ADAMTS2: variants seen among roughly 807,000 people sequenced by gnomAD.
ADAMTS2 encodes ADAM metallopeptidase with thrombospondin type 1 motif 2, also known as A disintegrin and metalloproteinase with thrombospondin motifs 2.
In ADAMTS2, 50 loss-of-function variants were observed where a neutral mutation model predicts 123.0. The ratio of observed to expected loss-of-function variants is 0.41; its 90% CI spans 0.32 to 0.51. The LOEUF (loss-of-function observed/expected upper bound fraction) is 0.51, where lower values mean the gene tolerates loss of function less well. Among genes scored for constraint, ADAMTS2 ranks in the 20% least tolerant of loss-of-function variants. ADAMTS2 has a pLI of 0.35. For synonymous variants in ADAMTS2, 678 were observed against 695.4 expected, an observed-to-expected ratio of 0.98 and a Z score of 0.39; for missense variants, 1,494 against 1,705.2, an observed-to-expected ratio of 0.88 and a Z score of 2.18.
intron 4 of ADAMTS2, among the ~76,000 whole-genome samples, chr5:179,201,346 A>C (rs928688706): frequency 1.3e-5 from 2 of 152,212 alleles, no homozygotes; most frequent in Non-Finnish European, 2.9e-5. Context: ...TGCTATGTGA[A>C]TATGTCATAT....
intron 3 of ADAMTS2, among the ~76,000 whole-genome samples, chr5:179,223,838 T>G (rs1281584560): frequency 6.6e-6 from 1 of 152,112 alleles, no homozygotes; most frequent in Non-Finnish European, 1.5e-5. Context: ...GGCACACACA[T>G]GCACACACAC....
At chr5:179,324,634 T>C (rs747280567) in intron 2 of ADAMTS2, among the ~76,000 whole-genome samples, 5 of 152,178 alleles carry the variant, frequency 3.3e-5, no homozygotes, top group Non-Finnish European at 5.9e-5. Context: ...CAGGCCATCC[T>C]CCTGCCTTGG....
chr5:179,281,643 T>C (rs1454833746), intron 2 of ADAMTS2, among the ~76,000 whole-genome samples: 4 of 152,256 alleles, frequency 2.6e-5, no homozygotes, highest in Admixed American at 2.6e-4. Flanking sequence ...AATGCTGCTA[T>C]GAACATCTGT....
chr5:179,302,414 G>A (rs1029296617), intron 2 of ADAMTS2, among the ~76,000 whole-genome samples: 6 of 150,424 alleles, frequency 4.0e-5, no homozygotes, highest in African/African-American at 1.5e-4. Flanking sequence ...AAAAGCGGGG[G>A]AGTGATAAGG....
intron 3 of ADAMTS2, among the ~76,000 whole-genome samples, chr5:179,226,224 T>C (rs1376266900): frequency 6.7e-6 from 1 of 149,090 alleles, no homozygotes; most frequent in Non-Finnish European, 1.5e-5. Flanking sequence ...CCCTTCCTTC[T>C]TTCCTTCCTT....
chr5:179,242,832 C>T lies in ADAMTS2; in HGVS notation c.688+30079G>A, dbSNP rs2113453760. Among the ~76,000 whole-genome samples, 1 of 152,296 alleles carries T rather than the reference C, an allele frequency of 6.6e-6. No individual in the cohort carries two copies. The highest frequency in any genetic ancestry group is 2.1e-4 in the South Asian group (1 of 4,826). Reference sequence around the variant, plus strand: ...AGCGTTTCTCATCATCTCCAACTCCCAGTGACAGAGGGTAACTCCCTGCTG... The same window carrying T: ...AGCGTTTCTCATCATCTCCAACTCCTAGTGACAGAGGGTAACTCCCTGCTG... On this transcript the variant is annotated intron_variant, in intron 3 of 21. Coordinates refer to ENST00000251582, the MANE Select transcript of ADAMTS2 (RefSeq NM_014244.5). The surrounding 1 kb of genome is among the most constrained non-coding windows in gnomAD (Gnocchi z 4.2).
intron 3 of ADAMTS2, among the ~76,000 whole-genome samples, chr5:179,251,543 G>A (rs1765926241): frequency 6.6e-6 from 1 of 152,114 alleles, no homozygotes; most frequent in African/African-American, 2.4e-5. Context: ...CTTCTGGGGT[G>A]TCTCTGCGTG....
At chr5:179,143,357 C>T (rs967623741) in intron 10 of ADAMTS2, among the ~76,000 whole-genome samples, 3 of 148,296 alleles carry the variant, frequency 2.0e-5, no homozygotes, top group Non-Finnish European at 3.0e-5. Context: ...CTCTTGAACC[C>T]GGGAGGTGGA....
In ADAMTS2 at chr5:179,153,712, C is replaced by T. The variant is rs534147498; in HGVS notation, c.1383-89G>A. The T allele has an allele frequency of 8.7e-6, 13 of 1,500,464 alleles. No homozygotes were observed. The African/African-American group carries it at 1.8e-4, about 21-fold the overall frequency. The allele number at this position is 1,500,464 out of a possible 1,614,324, so 92.9% of individuals were successfully genotyped here. A position where few individuals can be genotyped will look rare whatever the true frequency, so the allele number is the denominator to read the frequency against. ...GCAGCTGAGGCCCCTGCTGGAGCTG[C>T]CATGGCAGCCCTACCTGCACATCCC... On this transcript the variant is annotated intron_variant, in intron 8 of 21. Coordinates refer to ENST00000251582, the MANE Select transcript of ADAMTS2 (RefSeq NM_014244.5).
In ADAMTS2 at chr5:179,308,838, A is replaced by G. The variant is rs2113571604; in HGVS notation, c.534+34929T>C. 6.6e-6 allele frequency among the ~76,000 whole-genome samples: 1 copy of G among 152,272 alleles called. No individual in the cohort carries two copies. The highest frequency in any genetic ancestry group is 2.1e-4 in the South Asian group (1 of 4,820). On this transcript the variant is annotated intron_variant, in intron 2 of 21. Coordinates refer to ENST00000251582, the MANE Select transcript of ADAMTS2 (RefSeq NM_014244.5). This position sits in a 1 kb window ranked among gnomAD's most constrained non-coding sequence, Gnocchi z 6.6. ...AGGGGCCCTGGGATGCAGCTAGGCCAGCTGGGAGCCAGACAGCCACTGAAG... is the reference window on the plus strand; with the variant it reads ...AGGGGCCCTGGGATGCAGCTAGGCCGGCTGGGAGCCAGACAGCCACTGAAG...
intron 5 of ADAMTS2, among the ~76,000 whole-genome samples, chr5:179,172,707 T>A (rs1424838934): frequency 1.3e-5 from 2 of 152,256 alleles, no homozygotes; most frequent in African/African-American, 4.8e-5. Context: ...AAAGCATGAA[T>A]TCTCTTTGAT....
At chr5:179,215,286 T>A in intron 3 of ADAMTS2, among the ~76,000 whole-genome samples, 1 of 152,050 alleles carries the variant, frequency 6.6e-6, no homozygotes, top group Non-Finnish European at 1.5e-5. Context: ...CTATCTCTAC[T>A]AAAAATACAA....
At chr5:179,245,796 C>CAAAAAAAA (rs796076369) in intron 3 of ADAMTS2, among the ~76,000 whole-genome samples, 4 of 73,782 alleles carry the variant, frequency 5.4e-5, no homozygotes, top group Admixed American at 1.8e-4. Flanking sequence ...AAAAAAAAAA[C>CAAAAAAAA]AAAAAAAACA....
At chr5:179,187,709 G>C (rs1356632444) in intron 4 of ADAMTS2, among the ~76,000 whole-genome samples, 1 of 152,134 alleles carries the variant, frequency 6.6e-6, no homozygotes, top group African/African-American at 2.4e-5. Context: ...GGAAGCCCAG[G>C]GACAATGTCC....
chr5:179,291,454 C>T (rs1756186863), intron 2 of ADAMTS2, among the ~76,000 whole-genome samples: 1 of 152,186 alleles, frequency 6.6e-6, no homozygotes, highest in Non-Finnish European at 1.5e-5. Context: ...CCCTGCAATG[C>T]CACGACCCTT....
At chr5:179,229,362 G>T (rs1245516779) in intron 3 of ADAMTS2, among the ~76,000 whole-genome samples, 1 of 91,950 alleles carries the variant, frequency 1.1e-5, no homozygotes, top group Non-Finnish European at 2.2e-5. Flanking sequence ...TCCCGACGGA[G>T]AGGTAATTCC....
At chr5:179,134,857 CTCCCAGCTCCCGGG>C (rs1763030095) in intron 13 of ADAMTS2, among the ~76,000 whole-genome samples, 2 of 95,082 alleles carry the variant, frequency 2.1e-5, no homozygotes, top group African/African-American at 8.7e-5. Flanking sequence ...CCGGCTCCAG[CTCCCAGCTCCCGGG>C]TCCAGCTCCC....
intron 5 of ADAMTS2, among the ~76,000 whole-genome samples, chr5:179,164,865 C>T (rs1335897098): frequency 1.3e-5 from 2 of 152,214 alleles, no homozygotes; most frequent in Non-Finnish European, 2.9e-5. Context: ...TTTCCTCCAC[C>T]CACTCCTCCC....
rs920787974 is a variant in ADAMTS2, at chr5:179,117,171, G to A, written c.3179-2847C>T. Among the ~76,000 whole-genome samples, 1 of 152,124 alleles carries A rather than the reference G, an allele frequency of 6.6e-6. No homozygotes were observed. The stretch of plus-strand genomic sequence containing the variant: ...CCACCCCATCCTCTCCAGCAGCCTG[G>A]TTTGTGAAACCACTGAGCCCTACCC... On this transcript the variant is annotated intron_variant, in intron 21 of 21. Transcript: ENST00000251582. This position sits in a 1 kb window ranked among gnomAD's most constrained non-coding sequence, Gnocchi z 4.2.
Sources: allele counts gnomAD v4.1 joint callset (sites outside exome capture counted in the v4.1 genomes callset), GRCh38; gene constraint gnomAD v4.1.1; non-coding constraint Gnocchi (gnomAD v3.1); transcripts MANE v1.5; gene names NCBI Gene and HGNC (gene_info 2026-07-23, HGNC 2026-07-21).